Variants in NMNAT2 observed in about 807,000 individuals in gnomAD.
NMNAT2 encodes nicotinamide nucleotide adenylyltransferase 2, also known as nicotinamide/nicotinic acid mononucleotide adenylyltransferase 2.
NMNAT2 carries 11 observed loss-of-function variants against 41.6 expected under a neutral mutation model. The observed-to-expected ratio is 0.26, with a 90% confidence interval of 0.17 to 0.44. The LOEUF is 0.44. NMNAT2 is among the 20% of genes least tolerant of loss of function. NMNAT2 has a pLI of 1.00. For missense variants in NMNAT2, 288 were observed against 407.7 expected (o/e 0.71, Z 2.53); for synonymous variants, 148 against 151.2 (o/e 0.98, Z 0.16).
At chr1:183,271,182 T>G (rs1030636271) in intron 8 of NMNAT2, among the ~76,000 whole-genome samples, 1 of 152,246 alleles carries the variant, frequency 6.6e-6, no homozygotes, top group African/African-American at 2.4e-5. Context: ...CTTGCTCATT[T>G]GAAATGCAAA....
rs530609978 is a variant in NMNAT2 at position 183,251,503 on chromosome 1, T to C, written c.*1138A>G. 17 of 152,416 alleles carry C rather than the reference T, an allele frequency of 1.1e-4. No individual in the cohort carries two copies. The highest frequency in any genetic ancestry group is 2.9e-4 in the African/African-American group (12 of 41,530). 9.4% of individuals were successfully genotyped at this position (152,416 alleles called of 1,614,324 possible). A position where few individuals can be genotyped will look rare whatever the true frequency, so the allele number is the denominator to read the frequency against. On this transcript the variant is annotated 3_prime_UTR_variant, in exon 11 of 11. Coordinates refer to ENST00000287713, the MANE Select transcript of NMNAT2 (RefSeq NM_015039.4). Reference sequence around the variant, plus strand: ...GGTTGAGTGGACTCCTAGTGTTTTTTTGTTTTGTTTTGTTTTTTTATGACA... The same window carrying C: ...GGTTGAGTGGACTCCTAGTGTTTTTCTGTTTTGTTTTGTTTTTTTATGACA...
intron 1 of NMNAT2, among the ~76,000 whole-genome samples, chr1:183,381,254 T>A (rs1663798875): frequency 6.6e-6 from 1 of 152,176 alleles, no homozygotes; most frequent in Non-Finnish European, 1.5e-5. Context: ...TCTCTCAACC[T>A]CTGCAAGCAG....
intron 1 of NMNAT2, among the ~76,000 whole-genome samples, chr1:183,374,403 C>G (rs1663628296): frequency 6.6e-6 from 1 of 152,192 alleles, no homozygotes; most frequent in African/African-American, 2.4e-5. Flanking sequence ...GAGCCTTTCT[C>G]TCCCCACTTA....
intron 1 of NMNAT2, among the ~76,000 whole-genome samples, chr1:183,332,232 C>A (rs1327139883): frequency 6.6e-6 from 1 of 152,004 alleles, no homozygotes. Flanking sequence ...AGCCAGTGGG[C>A]CTTTTCTAGA....
chr1:183,358,637 G>A (rs922700674), intron 1 of NMNAT2, among the ~76,000 whole-genome samples: 4 of 152,102 alleles, frequency 2.6e-5, no homozygotes, highest in Non-Finnish European at 4.4e-5. Flanking sequence ...AAGGGAGAGC[G>A]GCTATCAGAG....
chr1:183,343,178 C>T (rs1662856529), intron 1 of NMNAT2, among the ~76,000 whole-genome samples: 1 of 152,198 alleles, frequency 6.6e-6, no homozygotes, highest in South Asian at 2.1e-4. Flanking sequence ...CTTACCCCCA[C>T]ATCCAAGCAA....
intron 8 of NMNAT2, among the ~76,000 whole-genome samples, chr1:183,269,779 C>T (rs545555114): frequency 3.9e-4 from 60 of 152,332 alleles, no homozygotes; most frequent in Middle Eastern, 6.8e-3. Context: ...GCACAGCTAA[C>T]GAGTGAATGT....
At chr1:183,404,964 T>G (rs1194673069) in intron 1 of NMNAT2, among the ~76,000 whole-genome samples, 2 of 152,190 alleles carry the variant, frequency 1.3e-5, no homozygotes, top group African/African-American at 4.8e-5. Flanking sequence ...CTTAAGCCTG[T>G]AATCCCAGCA....
intron 1 of NMNAT2, among the ~76,000 whole-genome samples, chr1:183,340,030 A>G (rs1662761955): frequency 1.3e-5 from 2 of 152,214 alleles, no homozygotes; most frequent in Non-Finnish European, 2.9e-5. Flanking sequence ...GCCAATCACA[A>G]TGATTACAAG....
At chr1:183,358,367 G>C (rs1663240849) in intron 1 of NMNAT2, among the ~76,000 whole-genome samples, 1 of 152,128 alleles carries the variant, frequency 6.6e-6, no homozygotes, top group African/African-American at 2.4e-5. Context: ...CCCGTGACTT[G>C]AGTTTACCTG....
chr1:183,389,772 GAAAGAAAGAAAGAAA>G (rs1648391111), intron 1 of NMNAT2, among the ~76,000 whole-genome samples: 1 of 41,872 alleles, frequency 2.4e-5, no homozygotes, highest in Non-Finnish European at 4.9e-5. Flanking sequence ...AAGAAAGAAA[GAAAGAAAGAAAGAAA>G]GAAAGAAAGA....
At chr1:183,270,587 T>A (rs1224765463) in intron 8 of NMNAT2, among the ~76,000 whole-genome samples, 1 of 151,144 alleles carries the variant, frequency 6.6e-6, no homozygotes, top group Non-Finnish European at 1.5e-5. Flanking sequence ...GATGAAATCA[T>A]CCCCACTCCC....
At chr1:183,411,920 TG>T (rs1404130690) in intron 1 of NMNAT2, among the ~76,000 whole-genome samples, 1 of 151,938 alleles carries the variant, frequency 6.6e-6, no homozygotes, top group Non-Finnish European at 1.5e-5. Flanking sequence ...AGTAAAGAAT[TG>T]GAGGAGGGGA....
intron 1 of NMNAT2, among the ~76,000 whole-genome samples, chr1:183,410,156 C>T (rs908664009): frequency 1.0e-5 from 1 of 95,566 alleles, no homozygotes; most frequent in African/African-American, 3.5e-5. Flanking sequence ...AAAAATAATA[C>T]CAAAAAAAAA....
At chr1:183,284,616 G>A (rs1364400095) in intron 6 of NMNAT2, 94 bp downstream of exon 6, 4 of 1,045,236 alleles carry the variant, frequency 3.8e-6, no homozygotes, top group South Asian at 1.3e-5. Context: ...AATTTGCGGT[G>A]GGGGGAATGT....
intron 1 of NMNAT2, among the ~76,000 whole-genome samples, chr1:183,383,962 G>A (rs567154944): frequency 6.6e-6 from 1 of 152,028 alleles, no homozygotes; most frequent in South Asian, 2.1e-4. Flanking sequence ...TTATAGCAAT[G>A]TCCCACTTCT....
chr1:183,259,570 A>G (rs1251279398), intron 10 of NMNAT2, among the ~76,000 whole-genome samples: 2 of 150,738 alleles, frequency 1.3e-5, no homozygotes, highest in Non-Finnish European at 3.0e-5. Context: ...TCTCTTCTTG[A>G]CTCTTTCTGT....
chr1:183,375,983 A>G (rs897798316), intron 1 of NMNAT2, among the ~76,000 whole-genome samples: 1 of 148,622 alleles, frequency 6.7e-6, no homozygotes, highest in African/African-American at 2.5e-5. Context: ...GAAAAGAAAC[A>G]CCTCACTCAA....
chr1:183,289,424 C>A (rs1245681165), intron 4 of NMNAT2, among the ~76,000 whole-genome samples: 1 of 152,204 alleles, frequency 6.6e-6, no homozygotes, highest in Non-Finnish European at 1.5e-5. Flanking sequence ...TCTAACCTGG[C>A]AACCAGCCCT....
Sources: allele counts gnomAD v4.1 joint callset (sites outside exome capture counted in the v4.1 genomes callset), GRCh38; gene constraint gnomAD v4.1.1; transcripts MANE v1.5; gene names NCBI Gene and HGNC (gene_info 2026-07-23, HGNC 2026-07-21).